TEAD4: variants seen among roughly 807,000 people sequenced by gnomAD.
TEAD4 encodes the protein transcriptional enhancer factor TEF-3.
A neutral mutation model predicts 52.4 loss-of-function variants in TEAD4; 36 were observed. The observed-to-expected ratio is 0.69, with a 90% confidence interval of 0.53 to 0.91. TEAD4 has a LOEUF of 0.91. Ranked by LOEUF, TEAD4 falls within the 40% of genes least tolerant of loss-of-function variation. The pLI is 0.00. For missense variants in TEAD4, 508 were observed against 583.9 expected, an observed-to-expected ratio of 0.87 and a Z score of 1.34; for synonymous variants, 220 against 231.0, an observed-to-expected ratio of 0.95 and a Z score of 0.43.
At chr12:2,989,147 C>T (rs1335259861) in intron 2 of TEAD4, among the ~76,000 whole-genome samples, 1 of 152,070 alleles carries the variant, frequency 6.6e-6, no homozygotes, top group Non-Finnish European at 1.5e-5. Flanking sequence ...GGAACCGAGC[C>T]CCCACCCTGT....
chr12:2,997,064 G>GGT (rs2098247835), intron 3 of TEAD4, among the ~76,000 whole-genome samples: 1 of 152,210 alleles, frequency 6.6e-6, no homozygotes, highest in African/African-American at 2.4e-5. Flanking sequence ...GTCCAGGGAA[G>GGT]GTGTGGCAGC....
chr12:3,039,962 C>G, intron 11 of TEAD4, 145 bp from the exon 12 acceptor site: 1 of 1,065,714 alleles, frequency 9.4e-7, no homozygotes, highest in Non-Finnish European at 1.3e-6. Context: ...GTTGGGATTA[C>G]AGGTGTGAGC....
intron 5 of TEAD4, among the ~76,000 whole-genome samples, chr12:3,016,371 A>C (rs1046945862): frequency 1.3e-5 from 2 of 152,142 alleles, no homozygotes; most frequent in Non-Finnish European, 2.9e-5. Flanking sequence ...GACTCAGTCG[A>C]GCCATTTAGC....
rs995737742 is a variant in TEAD4, at chr12:3,023,642, T to A, written c.897+1625T>A. Among the ~76,000 whole-genome samples, 999 of 148,630 alleles carry A rather than the reference T, an allele frequency of 6.7e-3. 14 individuals are homozygous for A. The highest frequency in any genetic ancestry group is 0.023 in the African/African-American group (925 of 40,388). On this transcript the variant is annotated intron_variant, in intron 10 of 12. Transcript: ENST00000359864. ...CTCTACTTAAAAAAAAAAAAAAAAATTAGACAGGCGTGGTGGCACACGCCT... is the reference window on the plus strand; with the variant it reads ...CTCTACTTAAAAAAAAAAAAAAAAAATAGACAGGCGTGGTGGCACACGCCT...
chr12:2,997,167 C>G (rs1190179065), intron 3 of TEAD4, among the ~76,000 whole-genome samples: 1 of 152,146 alleles, frequency 6.6e-6, no homozygotes, highest in Non-Finnish European at 1.5e-5. Flanking sequence ...AAGGCCCAAG[C>G]AGCTGCTTCA....
At chr12:3,024,915 C>T (rs2098271118) in intron 10 of TEAD4, among the ~76,000 whole-genome samples, 1 of 150,898 alleles carries the variant, frequency 6.6e-6, no homozygotes, top group African/African-American at 2.4e-5. Flanking sequence ...CTCCTGGCTG[C>T]CTCTGTTCTG....
intron 3 of TEAD4, among the ~76,000 whole-genome samples, chr12:2,996,538 T>TA (rs1164662968): frequency 3.3e-5 from 5 of 151,634 alleles, no homozygotes; most frequent in African/African-American, 4.9e-5. Flanking sequence ...GCCTGCCGAG[T>TA]AAGCTTGGAT....
At chr12:2,990,110 TC>T (rs1754262818) in intron 2 of TEAD4, among the ~76,000 whole-genome samples, 3 of 152,236 alleles carry the variant, frequency 2.0e-5, no homozygotes, top group Non-Finnish European at 4.4e-5. Flanking sequence ...TACTTCTTTA[TC>T]TAGCTGTATC....
At chr12:3,000,502 G>A (rs1026868441) in intron 3 of TEAD4, among the ~76,000 whole-genome samples, 9 of 152,070 alleles carry the variant, frequency 5.9e-5, no homozygotes, top group South Asian at 2.1e-4. Context: ...CCACTCCTGC[G>A]CTCTGTTAGC....
At chr12:3,029,233 A>AT (rs71057880) in intron 10 of TEAD4, among the ~76,000 whole-genome samples, 58,895 of 108,822 alleles carry the variant, frequency 0.54, 20,083 homozygotes, top group East Asian at 0.9. Flanking sequence ...CGCCTGGCCA[A>AT]TTTTTTTTTT....
chr12:3,019,317 C>T (rs868806370), intron 8 of TEAD4, 147 bp downstream of exon 8: 31 of 899,988 alleles, frequency 3.4e-5, no homozygotes, highest in South Asian at 3.4e-4. Flanking sequence ...TCCCTGGCCA[C>T]ACCCCATTCC....
At chr12:2,979,233 C>G (rs2098232272) in intron 2 of TEAD4, among the ~76,000 whole-genome samples, 4 of 152,096 alleles carry the variant, frequency 2.6e-5, no homozygotes, top group Admixed American at 2.6e-4. Context: ...TTTTTAAGGT[C>G]GAATCATCCT....
intron 9 of TEAD4, among the ~76,000 whole-genome samples, chr12:3,021,536 C>A (rs571750927): frequency 6.6e-6 from 1 of 152,254 alleles, no homozygotes; most frequent in South Asian, 2.1e-4. Context: ...GTCTTGAACT[C>A]CTGACCTCAA....
chr12:3,034,729 T>A (rs1321556082), intron 10 of TEAD4, among the ~76,000 whole-genome samples: 1 of 152,204 alleles, frequency 6.6e-6, no homozygotes, highest in African/African-American at 2.4e-5. Flanking sequence ...GCCCAGGAGT[T>A]CGAGACCAGC....
Position 3,040,473 on chromosome 12 carries a change from G to A in TEAD4, c.1300G>A (p.Glu434Lys). ...GCACCACATCTACAGGCTGGTGAAA[G>A]AATGAGAGACTCGGGGAGCAGGGAG... The change falls in exon 13 of 13, where the codon GAA (glutamate) becomes AAA (lysine). Residue 434 changes from glutamate (E) to lysine (K), a missense_variant. Physicochemically the swap from Glu to Lys is moderately conservative, Grantham distance 56. Coordinates refer to ENST00000359864, the MANE Select transcript of TEAD4 (RefSeq NM_003213.4). 6.2e-7 allele frequency: 1 copy of A among 1,614,032 alleles called. No individual in the cohort carries two copies. The highest frequency in any genetic ancestry group is 8.5e-7 in the Non-Finnish European group (1 of 1,179,958).
At chr12:2,984,898 G>A (rs2153954224) in intron 2 of TEAD4, among the ~76,000 whole-genome samples, 1 of 152,296 alleles carries the variant, frequency 6.6e-6, no homozygotes, top group East Asian at 1.9e-4. Flanking sequence ...TGAATGGTGA[G>A]TGAATGTATG....
Position 2,992,016 on chromosome 12 carries a change from C to CTTTTTTT in TEAD4, c.-29-2708_-29-2702dup, listed in dbSNP as rs372782883. On this transcript the variant is annotated intron_variant, in intron 2 of 12. Coordinates refer to ENST00000359864, the MANE Select transcript of TEAD4 (RefSeq NM_003213.4). Reference sequence around the variant, plus strand: ...TGGGGGTTGGGGGGGGCGGTTCCTGCTTTTTTTTTTTTTTTTTTTTGAGGC... The same window carrying CTTTTTTT: ...TGGGGGTTGGGGGGGGCGGTTCCTGCTTTTTTTTTTTTTTTTTTTTTTTTTTTGAGGC... 3.7e-5 allele frequency among the ~76,000 whole-genome samples: 4 copies of CTTTTTTT among 107,662 alleles called. 1 individual carries two copies. Among genetic ancestry groups the CTTTTTTT allele is most frequent in the Non-Finnish European group, 7.2e-5 (4 of 55,840 alleles). The allele number at this position is 107,662 out of a possible 152,430, so 70.6% of individuals were successfully genotyped here.
At position 2,994,781 on chromosome 12, in the gene TEAD4, C is replaced by T. The variant is rs761296833; in HGVS notation, c.15C>T (p.Ala5=). ...CAAGCGGAGCCTTGGAGGGCACGGCCGGCACCATTACCTCCAACGAGTGGA... is the reference window on the plus strand; with the variant it reads ...CAAGCGGAGCCTTGGAGGGCACGGCTGGCACCATTACCTCCAACGAGTGGA... Residue 5 remains alanine, a synonymous_variant, in exon 3 of 13, where the codon GCC becomes GCT. Coordinates refer to ENST00000359864, the MANE Select transcript of TEAD4 (RefSeq NM_003213.4). The surrounding 1 kb of genome is among the most constrained non-coding windows in gnomAD (Gnocchi z 4.7). 1.7e-5 allele frequency: 28 copies of T among 1,611,640 alleles called. No individual in the cohort carries two copies. Among genetic ancestry groups the T allele is most frequent in the East Asian group, 4.5e-5 (2 of 44,834 alleles).
intron 2 of TEAD4, among the ~76,000 whole-genome samples, chr12:2,963,967 G>C (rs1024177696): frequency 6.6e-6 from 1 of 152,178 alleles, no homozygotes; most frequent in Non-Finnish European, 1.5e-5. Flanking sequence ...GGAGTCACCA[G>C]GGGCAGGAAA....
Sources: allele counts gnomAD v4.1 joint callset (sites outside exome capture counted in the v4.1 genomes callset), GRCh38; gene constraint gnomAD v4.1.1; non-coding constraint Gnocchi (gnomAD v3.1); transcripts MANE v1.5; gene names NCBI Gene and HGNC (gene_info 2026-07-23, HGNC 2026-07-21).